SLC24A3: variants seen among roughly 807,000 people sequenced by gnomAD.
SLC24A3 encodes the protein solute carrier family 24 member 3, also known as sodium/potassium/calcium exchanger 3.
SLC24A3 carries 28 observed loss-of-function variants against 75.8 expected under a neutral mutation model. The observed-to-expected ratio is 0.37, with a 90% CI of 0.27 to 0.51. The LOEUF is 0.51. SLC24A3 is among the 20% of genes least tolerant of loss of function. SLC24A3 has a pLI of 0.94. For missense variants in SLC24A3, 663 were observed against 847.8 expected, an observed-to-expected ratio of 0.78 and a Z score of 2.71; for synonymous variants, 372 against 334.1, an observed-to-expected ratio of 1.11 and a Z score of -1.24.
chr20:19,477,900 A>G (rs982252496), intron 2 of SLC24A3, among the ~76,000 whole-genome samples: 6 of 152,238 alleles, frequency 3.9e-5, no homozygotes, highest in Non-Finnish European at 8.8e-5. Flanking sequence ...TTAGAAGTGA[A>G]TGAAAGAATG....
At chr20:19,592,865 G>A (rs2031398740) in intron 6 of SLC24A3, among the ~76,000 whole-genome samples, 1 of 134,540 alleles carries the variant, frequency 7.4e-6, no homozygotes, top group Non-Finnish European at 1.5e-5. Context: ...GCACGATCTT[G>A]GCTCACTACA....
intron 2 of SLC24A3, among the ~76,000 whole-genome samples, chr20:19,447,894 G>A (rs141286410): frequency 6.7e-4 from 102 of 152,336 alleles, no homozygotes; most frequent in African/African-American, 1.0e-3. Context: ...TGGGTACTTC[G>A]TGAAGGCTGT....
At chr20:19,425,067 G>A (rs1009083339) in intron 2 of SLC24A3, among the ~76,000 whole-genome samples, 1 of 152,086 alleles carries the variant, frequency 6.6e-6, no homozygotes, top group Non-Finnish European at 1.5e-5. Flanking sequence ...CACTTTGGGA[G>A]GCCGAGGTGG....
At chr20:19,617,616 C>A (rs2122671143) in intron 6 of SLC24A3, among the ~76,000 whole-genome samples, 1 of 152,282 alleles carries the variant, frequency 6.6e-6, no homozygotes, top group African/African-American at 2.4e-5. Flanking sequence ...TGTTGCAAAC[C>A]AAGACTGCCT....
chr20:19,611,459 C>T (rs1046210985), intron 6 of SLC24A3, among the ~76,000 whole-genome samples: 6 of 152,210 alleles, frequency 3.9e-5, no homozygotes, highest in South Asian at 2.1e-4. Context: ...GTAGCCCATA[C>T]ATGATTGTCT....
At chr20:19,588,039 G>A (rs2031323399) in intron 6 of SLC24A3, among the ~76,000 whole-genome samples, 2 of 152,334 alleles carry the variant, frequency 1.3e-5, no homozygotes, top group South Asian at 4.1e-4. Flanking sequence ...GAAGGAAAGG[G>A]ATAGTCAGGG....
chr20:19,315,887 C>T (rs1984574141), intron 2 of SLC24A3, among the ~76,000 whole-genome samples: 1 of 152,192 alleles, frequency 6.6e-6, no homozygotes, highest in African/African-American at 2.4e-5. Flanking sequence ...TACATCTAAC[C>T]TAGCAAGCAT....
chr20:19,664,939 A>G (rs1188205890), intron 7 of SLC24A3, among the ~76,000 whole-genome samples: 1 of 152,230 alleles, frequency 6.6e-6, no homozygotes, highest in Non-Finnish European at 1.5e-5. Flanking sequence ...TCTGCAGCAA[A>G]TGGAGCAAGC....
At chr20:19,656,086 G>C (rs996664529) in intron 7 of SLC24A3, among the ~76,000 whole-genome samples, 1 of 152,102 alleles carries the variant, frequency 6.6e-6, no homozygotes, top group East Asian at 1.9e-4. Flanking sequence ...CCTACCAGTA[G>C]ATTATTTTAT....
At chr20:19,652,565 T>A (rs1210022762) in intron 6 of SLC24A3, among the ~76,000 whole-genome samples, 2 of 152,238 alleles carry the variant, frequency 1.3e-5, no homozygotes, top group Non-Finnish European at 2.9e-5. Flanking sequence ...GACAACCCTG[T>A]CATGTGTGAC....
intron 1 of SLC24A3, 95 bp downstream of exon 1, chr20:19,213,079 G>T: frequency 1.8e-6 from 2 of 1,125,780 alleles, no homozygotes; most frequent in South Asian, 4.3e-5. Flanking sequence ...CGGCCCGGCC[G>T]GAGCCCCAGG....
intron 6 of SLC24A3, among the ~76,000 whole-genome samples, chr20:19,624,936 A>G (rs2031850098): frequency 6.6e-6 from 1 of 152,180 alleles, no homozygotes; most frequent in Non-Finnish European, 1.5e-5. Context: ...CGGGTCAGCA[A>G]TTTGAGCTCA....
intron 6 of SLC24A3, among the ~76,000 whole-genome samples, chr20:19,612,398 G>C (rs1344637136): frequency 6.6e-6 from 1 of 152,184 alleles, no homozygotes; most frequent in African/African-American, 2.4e-5. Flanking sequence ...CTTTCAAGAA[G>C]CTAGAAGAGA....
chr20:19,390,449 C>A (rs532109612), intron 2 of SLC24A3, among the ~76,000 whole-genome samples: 2 of 152,062 alleles, frequency 1.3e-5, no homozygotes, highest in Non-Finnish European at 2.9e-5. Flanking sequence ...TTCACCAGGC[C>A]TGGTGCCTGG....
At chr20:19,446,107 A>G (rs993425596) in intron 2 of SLC24A3, among the ~76,000 whole-genome samples, 2 of 152,166 alleles carry the variant, frequency 1.3e-5, no homozygotes, top group Non-Finnish European at 1.5e-5. Context: ...CCAGGACCCC[A>G]AGTTGCTGCT....
chr20:19,257,242 G>A (rs556835105), intron 1 of SLC24A3, among the ~76,000 whole-genome samples: 1 of 152,300 alleles, frequency 6.6e-6, no homozygotes. Context: ...TCCTGCCTCC[G>A]TAAGCAGCCT....
chr20:19,313,946 G>A (rs1984519148), intron 2 of SLC24A3, among the ~76,000 whole-genome samples: 1 of 152,216 alleles, frequency 6.6e-6, no homozygotes, highest in South Asian at 2.1e-4. Flanking sequence ...GGGAGAGGGC[G>A]ATGCCAGATA....
In SLC24A3 at chr20:19,704,105, C is replaced by G. The variant is rs187671512; in HGVS notation, c.1719+5425C>G. On this transcript the variant is annotated intron_variant, in intron 15 of 16. Transcript: ENST00000328041. ...TTTATTATTTTGTTTGTGCCTAGCG[C>G]AGTGCTTGGCACTTGGAACATATTC... 3.4e-3 allele frequency among the ~76,000 whole-genome samples: 523 copies of G among 152,100 alleles called. 2 individuals are homozygous for G. Among genetic ancestry groups the G allele is most frequent in the African/African-American group, 0.012 (478 of 41,474 alleles).
At chr20:19,688,897 G>A (rs2032713183) in intron 12 of SLC24A3, among the ~76,000 whole-genome samples, 1 of 151,876 alleles carries the variant, frequency 6.6e-6, no homozygotes, top group African/African-American at 2.4e-5. Flanking sequence ...TATATTGTAT[G>A]CATGTATAAT....
Sources: allele counts gnomAD v4.1 joint callset (sites outside exome capture counted in the v4.1 genomes callset), GRCh38; gene constraint gnomAD v4.1.1; transcripts MANE v1.5; gene names NCBI Gene and HGNC (gene_info 2026-07-23, HGNC 2026-07-21).